The following DHX29 variants were observed in gnomAD, a reference collection of about 807,000 sequenced individuals.
DHX29 encodes the protein DExH-box helicase 29.
A neutral mutation model predicts 167.9 loss-of-function variants in DHX29; 79 were observed. That is an observed-to-expected ratio of 0.47 (90% CI 0.39 to 0.57). DHX29 has a LOEUF of 0.57. Among genes scored for constraint, DHX29 ranks in the 20% least tolerant of loss-of-function variants. The pLI is 0.00. For missense variants in DHX29, 1,347 were observed against 1,593.4 expected (o/e 0.85, Z 2.63); for synonymous variants, 530 against 546.0 (o/e 0.97, Z 0.41).
intron 21 of DHX29, among the ~76,000 whole-genome samples, chr5:55,268,798 C>G (rs534112153): frequency 6.6e-6 from 1 of 152,032 alleles, no homozygotes; most frequent in Admixed American, 6.6e-5. Context: ...ATTATTGGCT[C>G]AGAGAGAGAG....
intron 1 of DHX29, among the ~76,000 whole-genome samples, 197 bp from the exon 2 acceptor site, chr5:55,298,861 T>G (rs1365326449): frequency 6.7e-6 from 1 of 149,536 alleles, no homozygotes; most frequent in Non-Finnish European, 1.5e-5. Context: ...AAACCCCGTC[T>G]CTACTAAAAA....
intron 8 of DHX29, among the ~76,000 whole-genome samples, chr5:55,287,355 C>G (rs561842000): frequency 6.6e-6 from 1 of 151,986 alleles, no homozygotes; most frequent in African/African-American, 2.4e-5. Context: ...GCAGGAGAAT[C>G]GCTTGAACCT....
intron 12 of DHX29, chr5:55,279,640 G>C (rs1232489127): frequency 6.6e-6 from 1 of 152,358 alleles, no homozygotes; most frequent in Non-Finnish European, 1.5e-5. Flanking sequence ...GCAAGCAGAT[G>C]GGACTATAGG....
At chr5:55,261,266 A>C (rs1746300588) in intron 25 of DHX29, 102 bp downstream of exon 25, 2 of 581,234 alleles carry the variant, frequency 3.4e-6, no homozygotes, top group Non-Finnish European at 6.0e-6. Flanking sequence ...ACTCATATTA[A>C]GAAGAAATTA....
chr5:55,284,539 C>T (rs1349618744), intron 10 of DHX29, among the ~76,000 whole-genome samples: 4 of 152,180 alleles, frequency 2.6e-5, no homozygotes, highest in Non-Finnish European at 5.9e-5. Context: ...AAAAGAACTA[C>T]TGTCCAGAGT....
In DHX29 at chr5:55,282,664, C is replaced by A. The variant is rs540518475; in HGVS notation, c.1965+539G>T. 8.5e-5 allele frequency among the ~76,000 whole-genome samples: 13 copies of A among 152,244 alleles called. No individual in the cohort carries two copies. The South Asian group carries it at 2.7e-3, about 32-fold the overall frequency. ...AACTAATTCCTATACTTTGCCGTCACTCTGGTTAAGGTTTGGCCAGTTTTG... is the reference window on the plus strand; with the variant it reads ...AACTAATTCCTATACTTTGCCGTCAATCTGGTTAAGGTTTGGCCAGTTTTG... On this transcript the variant is annotated intron_variant, in intron 11 of 26. Transcript: ENST00000251636.
At chr5:55,266,723 C>T (rs1268891269) in intron 23 of DHX29, among the ~76,000 whole-genome samples, 1 of 151,944 alleles carries the variant, frequency 6.6e-6, no homozygotes, top group Non-Finnish European at 1.5e-5. Context: ...TCAAGCAATC[C>T]TCCCACCTTG....
chr5:55,273,254 C>A, intron 17 of DHX29, 39 bp downstream of exon 17: 1 of 1,538,358 alleles, frequency 6.5e-7, no homozygotes, highest in South Asian at 1.3e-5. Context: ...AAAATACTCT[C>A]AGGTGGATCA....
At chr5:55,258,634 C>CT (rs1346332015) in intron 26 of DHX29, among the ~76,000 whole-genome samples, 1 of 152,158 alleles carries the variant, frequency 6.6e-6, no homozygotes, top group Non-Finnish European at 1.5e-5. Context: ...GGGTCTTGCT[C>CT]TGTCACCCAG....
At chr5:55,300,479 C>A (rs1440241827) in intron 1 of DHX29, among the ~76,000 whole-genome samples, 1 of 152,152 alleles carries the variant, frequency 6.6e-6, no homozygotes, top group Non-Finnish European at 1.5e-5. Context: ...TTGAGACCAG[C>A]CTGGCCAATA....
At chr5:55,288,785 A>ACT (rs1747877300) in intron 8 of DHX29, among the ~76,000 whole-genome samples, 1 of 152,212 alleles carries the variant, frequency 6.6e-6, no homozygotes, top group Non-Finnish European at 1.5e-5. Context: ...CAGGTTGGCC[A>ACT]AGTAGGGGGT....
Position 55,261,509 on chromosome 5 carries a change from A to G in DHX29, c.3829-10T>C. 3 of 1,505,360 alleles carry G rather than the reference A, an allele frequency of 2.0e-6. No individual in the cohort carries two copies. Among genetic ancestry groups the G allele is most frequent in the Non-Finnish European group, 2.7e-6 (3 of 1,101,214 alleles). The allele number at this position is 1,505,360 out of a possible 1,614,324, so 93.3% of individuals were successfully genotyped here. On this transcript the variant is annotated splice_polypyrimidine_tract_variant and intron_variant, in intron 24 of 26. Transcript: ENST00000251636. ...CTCTGGCATACCTTATCTACATGGG[A>G]AAAAGGGGGGAAAATAACTTCAAAA...
chr5:55,273,420 G>C (rs1746948067), intron 16 of DHX29, 43 bp from the exon 17 acceptor site: 1 of 1,481,146 alleles, frequency 6.8e-7, no homozygotes, highest in Admixed American at 2.1e-5. Context: ...TTTCTCTTTA[G>C]AAGACACTGC....
intron 2 of DHX29, 90 bp from the exon 3 acceptor site, chr5:55,297,488 C>G: frequency 1.5e-6 from 1 of 647,370 alleles, no homozygotes; most frequent in Non-Finnish European, 2.7e-6. Flanking sequence ...TCCTGCCAAC[C>G]AAGCCCAAAA....
intron 22 of DHX29, 76 bp downstream of exon 22, chr5:55,267,610 A>T: frequency 7.7e-7 from 1 of 1,298,030 alleles, no homozygotes; most frequent in Non-Finnish European, 1.0e-6. Flanking sequence ...AATTTTAATA[A>T]GTCAAAGGTA....
Position 55,298,202 on chromosome 5 carries a change from C to T in DHX29, c.261+389G>A, listed in dbSNP as rs571821909. On this transcript the variant is annotated intron_variant, in intron 2 of 26. Coordinates refer to ENST00000251636, the MANE Select transcript of DHX29 (RefSeq NM_019030.4). ...AAAAAGGGGAAATAAGGGCACTCTA[C>T]GCAGAGAGTACATGGGTAAAAGCTA... 3.9e-5 allele frequency among the ~76,000 whole-genome samples: 6 copies of T among 152,072 alleles called. No homozygotes were observed. In the East Asian group the frequency reaches 5.8e-4, roughly 15 times the overall value.
At chr5:55,258,419 A>C (rs1746152900) in intron 26 of DHX29, among the ~76,000 whole-genome samples, 1 of 152,238 alleles carries the variant, frequency 6.6e-6, no homozygotes, top group Non-Finnish European at 1.5e-5. Context: ...TAGAGGGGAA[A>C]TGTTACAGAA....
chr5:55,267,788 G>A lies in DHX29; in HGVS notation c.3329C>T (p.Pro1110Leu), dbSNP rs776181791. ...TTTTCGACCAATTGGTGTGGTAAAA[G>A]GAGACTTCTCTGTCATAACTGCAGC... ...TLAAVMTEKS[P>L]FTTPIGRKDE... The change falls in exon 22 of 27, where the codon CCT becomes CTT. Residue 1110 changes from proline (P) to leucine (L), a missense_variant. By Grantham distance (98) the Pro-to-Leu change is moderately conservative (BLOSUM62 -3). This residue lies in a region of DHX29 where 882 missense variants were observed against 1,082.4 expected (regional missense o/e 0.81). Coordinates refer to ENST00000251636, the MANE Select transcript of DHX29 (RefSeq NM_019030.4). 6.2e-7 allele frequency: 1 copy of A among 1,604,916 alleles called. No individual in the cohort carries two copies. The highest frequency in any genetic ancestry group is 1.1e-5 in the South Asian group (1 of 89,558).
At chr5:55,265,670 T>TAAAAAAAA (rs11362570) in intron 23 of DHX29, among the ~76,000 whole-genome samples, 1 of 143,482 alleles carries the variant, frequency 7.0e-6, no homozygotes. Flanking sequence ...GAACTAGCTG[T>TAAAAAAAA]AAAAAAAAAA....
Sources: allele counts gnomAD v4.1 joint callset (sites outside exome capture counted in the v4.1 genomes callset), GRCh38; gene constraint gnomAD v4.1.1; regional missense constraint gnomAD v4.1.1; transcripts MANE v1.5; gene names NCBI Gene and HGNC (gene_info 2026-07-23, HGNC 2026-07-21).